The following ZNF254 variants were observed in gnomAD, a reference collection of about 807,000 sequenced individuals.
ZNF254 encodes CTD-2017D11.1.
In ZNF254, 10 loss-of-function variants were observed where a neutral mutation model predicts 12.4. The observed-to-expected ratio is 0.80, with a 90% confidence interval of 0.50 to 1.36. The LOEUF (loss-of-function observed/expected upper bound fraction) is 1.36. ZNF254 is among the 40% of genes most tolerant of loss of function. ZNF254 has a pLI of 0.00. For missense variants in ZNF254, 996 were observed against 763.9 expected (o/e 1.30, Z -3.58); for synonymous variants, 305 against 253.4 (o/e 1.20, Z -1.93).
intron 2 of ZNF254, among the ~76,000 whole-genome samples, chr19:24,052,434 A>G (rs7259533): frequency 0.48 from 72,730 of 152,046 alleles, 18,329 homozygotes; most frequent in African/African-American, 0.64. Flanking sequence ...CACATAAGTG[A>G]CCTTGTGACA....
chr19:24,072,076 G>A (rs1310066389), intron 2 of ZNF254, among the ~76,000 whole-genome samples: 1 of 151,912 alleles, frequency 6.6e-6, no homozygotes, highest in Non-Finnish European at 1.5e-5. Context: ...TGATGTAACT[G>A]TCCTTTTCTA....
intron 2 of ZNF254, among the ~76,000 whole-genome samples, chr19:24,049,214 A>ATATATATATATATATAT (rs1160333151): frequency 2.4e-5 from 1 of 40,868 alleles, no homozygotes; most frequent in South Asian, 8.3e-4. Context: ...ATATATATAT[A>ATATATATATATATATAT]TTTTTTTTTT....
At chr19:24,077,998 G>T (rs1971718195) in intron 2 of ZNF254, among the ~76,000 whole-genome samples, 1 of 152,226 alleles carries the variant, frequency 6.6e-6, no homozygotes, top group African/African-American at 2.4e-5. Flanking sequence ...CAAGCCCAGA[G>T]AGATGAGACT....
At chr19:24,086,734 T>G (rs940621110), upstream of ZNF254, among the ~76,000 whole-genome samples, 1 of 152,024 alleles carries the variant, frequency 6.6e-6, no homozygotes, top group Non-Finnish European at 1.5e-5. Context: ...GCCTTGGCCA[T>G]CGAAAGTGCT....
At chr19:24,076,131 G>T (rs781447585) in intron 2 of ZNF254, among the ~76,000 whole-genome samples, 1 of 152,130 alleles carries the variant, frequency 6.6e-6, no homozygotes, top group East Asian at 1.9e-4. Context: ...GGTGACATAC[G>T]TCCTCAGTTT....
intron 2 of ZNF254, among the ~76,000 whole-genome samples, chr19:24,074,677 G>A (rs924644429): frequency 3.7e-4 from 57 of 152,018 alleles, no homozygotes; most frequent in African/African-American, 1.4e-3. Flanking sequence ...TTCTTTCTGG[G>A]GCCTGTCCAC....
chr19:24,052,378 A>G (rs538817932), intron 2 of ZNF254, among the ~76,000 whole-genome samples: 1 of 152,310 alleles, frequency 6.6e-6, no homozygotes, highest in Non-Finnish European at 1.5e-5. Flanking sequence ...GTGACATACC[A>G]TTGAGTTCAA....
intron 2 of ZNF254, among the ~76,000 whole-genome samples, chr19:24,073,891 A>G (rs1971567336): frequency 6.6e-6 from 1 of 152,210 alleles, no homozygotes; most frequent in South Asian, 2.1e-4. Context: ...ATTTTCCTGC[A>G]ACTGTATTGC....
chr19:24,062,103 G>GAAA (rs59581798), intron 2 of ZNF254, among the ~76,000 whole-genome samples: 5 of 137,312 alleles, frequency 3.6e-5, no homozygotes, highest in African/African-American at 8.1e-5. Flanking sequence ...AAAAAAAAAA[G>GAAA]AAAAAGAAAA....
chr19:24,049,085 C>T (rs78878821), intron 2 of ZNF254: 2 of 107,114 alleles, frequency 1.9e-5, no homozygotes, highest in Non-Finnish European at 4.4e-5. Flanking sequence ...TACCTAACTA[C>T]CTACCTACCT....
chr19:24,116,055 C>T (rs62114845), intron 3 of ZNF254, among the ~76,000 whole-genome samples: 12,944 of 152,140 alleles, frequency 0.085, 737 homozygotes, highest in Non-Finnish European at 0.13. Context: ...GAGTTTCTGC[C>T]GAGAGGTCCA....
chr19:24,072,012 T>C (rs1471549647), intron 2 of ZNF254, among the ~76,000 whole-genome samples: 1 of 152,150 alleles, frequency 6.6e-6, no homozygotes, highest in East Asian at 1.9e-4. Context: ...ATTCTCCTGC[T>C]TGAGCCCTTC....
upstream of ZNF254, among the ~76,000 whole-genome samples, chr19:24,085,426 A>ATATATATATATAT (rs369443689): frequency 4.7e-5 from 5 of 105,650 alleles, no homozygotes; most frequent in African/African-American, 7.2e-5. Flanking sequence ...ATATATATAT[A>ATATATATATATAT]AAAACTAAGA....
At chr19:24,043,894 A>G (rs556013426) in intron 1 of ZNF254, among the ~76,000 whole-genome samples, 1 of 152,276 alleles carries the variant, frequency 6.6e-6, no homozygotes, top group Admixed American at 6.5e-5. Flanking sequence ...ATCTCTGTAT[A>G]TTGGCTCATA....
Position 24,128,836 on chromosome 19 carries a change from A to T in ZNF254, c.*856A>T, listed in dbSNP as rs943861309. The T allele has an allele frequency of 6.6e-6, 1 of 152,078 alleles. No homozygotes were observed. Among genetic ancestry groups the T allele is most frequent in the African/African-American group, 2.4e-5 (1 of 41,464 alleles). 9.4% of individuals were successfully genotyped at this position (152,078 alleles called of 1,614,324 possible). A position where few individuals can be genotyped will look rare whatever the true frequency, so the allele number is the denominator to read the frequency against. On this transcript the variant is annotated 3_prime_UTR_variant, in exon 4 of 4. Transcript: ENST00000357002. ...AACAGATTTGTCTAAACATTTGTATATAACTTTAAAAATAGAATATTTTTT... is the reference window on the plus strand; with the variant it reads ...AACAGATTTGTCTAAACATTTGTATTTAACTTTAAAAATAGAATATTTTTT...
intron 1 of ZNF254, among the ~76,000 whole-genome samples, chr19:24,040,326 A>G (rs999517268): frequency 6.6e-6 from 1 of 152,140 alleles, no homozygotes; most frequent in African/African-American, 2.4e-5. Flanking sequence ...AAGCAAATAA[A>G]TGAGAGCAAA....
chr19:24,081,530 C>T (rs1407958788), intron 2 of ZNF254, among the ~76,000 whole-genome samples: 1 of 152,142 alleles, frequency 6.6e-6, no homozygotes, highest in African/African-American at 2.4e-5. Flanking sequence ...AATAAATTCC[C>T]TGTTTAATAT....
chr19:24,050,357 A>G (rs1204161753), intron 2 of ZNF254, among the ~76,000 whole-genome samples: 2 of 151,976 alleles, frequency 1.3e-5, no homozygotes, highest in Non-Finnish European at 2.9e-5. Flanking sequence ...ACAAGATATC[A>G]CCCTGTTGGC....
intron 3 of ZNF254, among the ~76,000 whole-genome samples, chr19:24,110,588 C>T (rs1973609540): frequency 6.6e-6 from 1 of 151,902 alleles, no homozygotes; most frequent in East Asian, 1.9e-4. Context: ...GTGTATATTT[C>T]AGGCATGTTA....
Sources: gnomAD v4.1 joint callset for allele counts (sites outside exome capture counted in the v4.1 genomes callset) on GRCh38, gnomAD v4.1.1 for gene constraint, MANE v1.5 for transcripts, NCBI Gene and HGNC (gene_info 2026-07-23, HGNC 2026-07-21) for gene names.